Variants in CDKL3 observed in about 807,000 individuals in gnomAD.
CDKL3 encodes cyclin dependent kinase like 3.
In CDKL3, 65 loss-of-function variants were observed where a neutral mutation model predicts 69.3. The ratio of observed to expected loss-of-function variants is 0.94; its 90% CI spans 0.77 to 1.15. CDKL3 has a LOEUF of 1.15. Among genes scored for constraint, CDKL3 ranks in the 50% most tolerant of loss-of-function variants. CDKL3 has a pLI of 0.00. For synonymous variants in CDKL3, 202 were observed against 221.6 expected, an observed-to-expected ratio of 0.91 and a Z score of 0.79; for missense variants, 652 against 689.2, an observed-to-expected ratio of 0.95 and a Z score of 0.61.
chr5:134,363,972 AAAAAAAGAG>A (rs1756715540), intron 2 of CDKL3, among the ~76,000 whole-genome samples: 1 of 147,134 alleles, frequency 6.8e-6, no homozygotes, highest in Non-Finnish European at 1.5e-5. Flanking sequence ...AAAAAAAAAA[AAAAAAAGAG>A]AGAGAAAGAA....
intron 4 of CDKL3, among the ~76,000 whole-genome samples, chr5:134,343,013 G>A (rs753371764): frequency 5.3e-5 from 8 of 152,040 alleles, no homozygotes; most frequent in South Asian, 4.1e-4. Flanking sequence ...AAGACCAGCC[G>A]GGCCAACGTG....
rs572074780 is a variant in CDKL3 at position 134,325,223 on chromosome 5, T to C, written c.540-3320A>G. On this transcript the variant is annotated intron_variant, in intron 4 of 12. Coordinates refer to ENST00000265334, the MANE Select transcript of CDKL3 (RefSeq NM_001113575.2). Reference sequence around the variant, plus strand: ...GGGGAGGGAAACCAAGATTCTATACTATGTATATAGTATGTTCCTATTTCT... The same window carrying C: ...GGGGAGGGAAACCAAGATTCTATACCATGTATATAGTATGTTCCTATTTCT... 3.3e-5 allele frequency among the ~76,000 whole-genome samples: 5 copies of C among 152,106 alleles called. No individual in the cohort carries two copies. The East Asian group carries it at 9.6e-4, about 29-fold the overall frequency.
At chr5:134,369,664 C>T, upstream of CDKL3, among the ~76,000 whole-genome samples, 1 of 152,070 alleles carries the variant, frequency 6.6e-6, no homozygotes, top group African/African-American at 2.4e-5. Flanking sequence ...TCAACTTCCT[C>T]GTCTCAAGCG....
chr5:134,371,615 G>A, upstream of CDKL3: 2 of 1,613,260 alleles, frequency 1.2e-6, no homozygotes, highest in Non-Finnish European at 1.7e-6. Context: ...CCGGCCCGGA[G>A]GAGGCTCATG....
At chr5:134,306,834 A>AGCCTCG in intron 9 of CDKL3, 132 bp from the exon 10 acceptor site, 3 of 535,072 alleles carry the variant, frequency 5.6e-6, no homozygotes, top group South Asian at 4.2e-5. Context: ...GGCTCACTGC[A>AGCCTCG]ACCTCTGTCT....
intron 6 of CDKL3, among the ~76,000 whole-genome samples, chr5:134,317,982 G>A (rs1771621494): frequency 1.3e-5 from 2 of 152,090 alleles, no homozygotes; most frequent in Admixed American, 6.6e-5. Context: ...CACTTTGGGA[G>A]GCCAAGGTGG....
chr5:134,367,583 A>T (rs2149681252), upstream of CDKL3, among the ~76,000 whole-genome samples: 1 of 152,140 alleles, frequency 6.6e-6, no homozygotes, highest in Non-Finnish European at 1.5e-5. Flanking sequence ...CATGTTGGCC[A>T]GGCTGGTCTC....
chr5:134,308,869 G>T, intron 7 of CDKL3, 142 bp from the exon 8 acceptor site: 1 of 735,604 alleles, frequency 1.4e-6, no homozygotes, highest in Non-Finnish European at 2.0e-6. Flanking sequence ...TCAAGAGATG[G>T]CCCAACATTT....
intron 4 of CDKL3, among the ~76,000 whole-genome samples, chr5:134,347,794 T>C (rs1752309618): frequency 6.6e-6 from 1 of 151,606 alleles, no homozygotes; most frequent in Non-Finnish European, 1.5e-5. Flanking sequence ...TATATAATTC[T>C]ACTTATATGA....
intron 4 of CDKL3, among the ~76,000 whole-genome samples, chr5:134,332,772 T>C (rs1218613318): frequency 6.6e-6 from 1 of 152,252 alleles, no homozygotes; most frequent in Non-Finnish European, 1.5e-5. Flanking sequence ...GTCTTGGCTA[T>C]GCGGGCTCTT....
chr5:134,366,611 A>G, intron 1 of CDKL3, 67 bp from the exon 2 acceptor site: 2 of 945,850 alleles, frequency 2.1e-6, no homozygotes, highest in South Asian at 1.6e-5. Flanking sequence ...TTAAAACTAG[A>G]TAATGCATAT....
intron 4 of CDKL3, among the ~76,000 whole-genome samples, chr5:134,325,927 C>CTTTTTTTTT (rs10706943): frequency 8.7e-4 from 72 of 82,834 alleles, no homozygotes; most frequent in African/African-American, 1.7e-3. Flanking sequence ...CCACGCCTGG[C>CTTTTTTTTT]TTTTTTTTTT....
intron 7 of CDKL3, among the ~76,000 whole-genome samples, chr5:134,310,866 AG>A (rs1187664799): frequency 6.6e-6 from 1 of 152,184 alleles, no homozygotes; most frequent in African/African-American, 2.4e-5. Flanking sequence ...GTCACCCTCA[AG>A]GATTCTCTTC....
At chr5:134,317,013 C>T (rs1252727078) in intron 6 of CDKL3, among the ~76,000 whole-genome samples, 3 of 152,080 alleles carry the variant, frequency 2.0e-5, no homozygotes, top group African/African-American at 4.8e-5. Flanking sequence ...GTATTTCTTA[C>T]ATTAAGTTGG....
chr5:134,320,372 T>A (rs1387964728), intron 5 of CDKL3, among the ~76,000 whole-genome samples: 1 of 152,088 alleles, frequency 6.6e-6, no homozygotes, highest in Admixed American at 6.6e-5. Context: ...TCCCAGCACT[T>A]TGGGAGGCCG....
chr5:134,326,657 T>G (rs1245502773), intron 4 of CDKL3, among the ~76,000 whole-genome samples: 2 of 151,466 alleles, frequency 1.3e-5, no homozygotes, highest in East Asian at 3.9e-4. Flanking sequence ...TTTTTTTTTT[T>G]AAGATGGAGT....
At chr5:134,333,112 T>C (rs888904450) in intron 4 of CDKL3, among the ~76,000 whole-genome samples, 112 of 152,324 alleles carry the variant, frequency 7.4e-4, no homozygotes, top group African/African-American at 2.7e-3. Flanking sequence ...TCTTGGTGTA[T>C]AGAAATGCTT....
chr5:134,350,295 A>C lies in CDKL3; in HGVS notation c.493T>G (p.Trp165Gly). The stretch of plus-strand genomic sequence containing the variant: ...AATACTAATTCGGGAGCTCTATACC[A>C]GCGTGTGGCCACATAGTCCGTATAA... ...DIYTDYVATR[W>G]YRAPELVLKD... The change falls in exon 4 of 13, where the codon TGG becomes GGG. Residue 165 changes from tryptophan to glycine, a missense_variant. Physicochemically the swap from Trp to Gly is radical, Grantham distance 184. Transcript: ENST00000265334. 5.0e-6 allele frequency: 8 copies of C among 1,592,916 alleles called. No individual in the cohort carries two copies. The highest frequency in any genetic ancestry group is 6.8e-6 in the Non-Finnish European group (8 of 1,169,410).
chr5:134,302,266 G>A (rs185962307), intron 12 of CDKL3: 143 of 461,830 alleles, frequency 3.1e-4, no homozygotes, highest in African/African-American at 2.4e-3. Flanking sequence ...ACATGCTTGT[G>A]GCCATATAAC....
Sources: gnomAD v4.1 joint callset for allele counts (sites outside exome capture counted in the v4.1 genomes callset) on GRCh38, gnomAD v4.1.1 for gene constraint, MANE v1.5 for transcripts, NCBI Gene and HGNC (gene_info 2026-07-23, HGNC 2026-07-21) for gene names.